Variants in ENAH observed in about 807,000 individuals in gnomAD.
ENAH encodes the protein ENAH actin regulator.
A neutral mutation model predicts 78.7 loss-of-function variants in ENAH; 23 were observed. The ratio of observed to expected loss-of-function variants is 0.29; its 90% CI spans 0.21 to 0.41. ENAH has a LOEUF of 0.41. Ranked by LOEUF, ENAH falls within the 10% of genes least tolerant of loss-of-function variation. The pLI, the probability that ENAH is intolerant of heterozygous loss-of-function variation, is 1.00. For missense variants in ENAH, 544 were observed against 691.0 expected (o/e 0.79, Z 2.39); for synonymous variants, 226 against 241.0 (o/e 0.94, Z 0.58).
chr1:225,615,233 CG>C (rs1168991389), intron 1 of ENAH, among the ~76,000 whole-genome samples: 1 of 151,720 alleles, frequency 6.6e-6, no homozygotes, highest in Non-Finnish European at 1.5e-5. Context: ...TCGGTGGAGA[CG>C]GGGTTTCGCC....
At chr1:225,607,123 A>T (rs2096960202) in intron 1 of ENAH, among the ~76,000 whole-genome samples, 1 of 152,128 alleles carries the variant, frequency 6.6e-6, no homozygotes, top group African/African-American at 2.4e-5. Context: ...ACACTACAGC[A>T]GACTCTAGAT....
chr1:225,602,426 A>G (rs971825209), intron 1 of ENAH, among the ~76,000 whole-genome samples: 8 of 152,306 alleles, frequency 5.3e-5, no homozygotes, highest in African/African-American at 1.7e-4. Context: ...ATAAAGTTAC[A>G]GCCTAAATAA....
intron 3 of ENAH, among the ~76,000 whole-genome samples, chr1:225,536,067 AAG>A (rs934899643): frequency 7.9e-5 from 12 of 152,248 alleles, no homozygotes; most frequent in African/African-American, 2.9e-4. Flanking sequence ...CACTGCAATA[AAG>A]AGTTTTATAT....
chr1:225,524,701 C>A, intron 4 of ENAH: 1 of 939,212 alleles, frequency 1.1e-6, no homozygotes, highest in Non-Finnish European at 1.3e-6. Context: ...CAGTTCTGTG[C>A]CGCAATTATT....
intron 1 of ENAH, among the ~76,000 whole-genome samples, chr1:225,580,854 T>A (rs192924676): frequency 3.8e-4 from 53 of 139,124 alleles, no homozygotes; most frequent in Admixed American, 7.2e-4. Context: ...TGAGCCGAGA[T>A]CGCATCACTG....
chr1:225,581,575 T>C (rs747884110), intron 1 of ENAH, among the ~76,000 whole-genome samples: 24 of 152,234 alleles, frequency 1.6e-4, no homozygotes, highest in Non-Finnish European at 8.8e-5. Context: ...CAGAATACTA[T>C]AGAATCTCAA....
At chr1:225,514,071 G>C (rs373226632) in intron 7 of ENAH, among the ~76,000 whole-genome samples, 2 of 152,140 alleles carry the variant, frequency 1.3e-5, no homozygotes, top group Non-Finnish European at 2.9e-5. Flanking sequence ...CTGGTAAAAT[G>C]TTAATGGGTG....
At chr1:225,639,546 C>T (rs1660645820) in intron 1 of ENAH, among the ~76,000 whole-genome samples, 2 of 152,098 alleles carry the variant, frequency 1.3e-5, no homozygotes, top group South Asian at 2.1e-4. Flanking sequence ...ATGCCTTCCA[C>T]CATGTTATGA....
intron 1 of ENAH, among the ~76,000 whole-genome samples, chr1:225,632,970 G>T (rs1659368606): frequency 6.6e-6 from 1 of 152,086 alleles, no homozygotes; most frequent in Admixed American, 6.6e-5. Context: ...GTGGCTTACG[G>T]ACTGGAAGAC....
chr1:225,497,955 C>G (rs1283333912), intron 13 of ENAH, 143 bp from the exon 14 acceptor site: 2 of 633,640 alleles, frequency 3.2e-6, no homozygotes, highest in Non-Finnish European at 5.4e-6. Context: ...TTGCACACAT[C>G]TTTAATATTA....
intron 7 of ENAH, among the ~76,000 whole-genome samples, chr1:225,513,690 C>T (rs1021511985): frequency 3.3e-5 from 5 of 152,136 alleles, no homozygotes; most frequent in Non-Finnish European, 4.4e-5. Context: ...TCAAATCATT[C>T]AAACAAAAGT....
At chr1:225,529,645 C>G (rs1433583786) in intron 4 of ENAH, among the ~76,000 whole-genome samples, 1 of 151,832 alleles carries the variant, frequency 6.6e-6, no homozygotes, top group Non-Finnish European at 1.5e-5. Flanking sequence ...GTACTTAGAA[C>G]AAAAAATGCC....
At chr1:225,625,556 CTT>C (rs926320774) in intron 1 of ENAH, among the ~76,000 whole-genome samples, 4 of 152,214 alleles carry the variant, frequency 2.6e-5, no homozygotes, top group African/African-American at 4.8e-5. Context: ...GAATTTCGCT[CTT>C]GTTGCCCAGG....
intron 1 of ENAH, among the ~76,000 whole-genome samples, chr1:225,592,139 G>A (rs1047279950): frequency 6.6e-6 from 1 of 152,240 alleles, no homozygotes; most frequent in Non-Finnish European, 1.5e-5. Context: ...AGCAGCAACA[G>A]TATTTTGGTA....
intron 1 of ENAH, among the ~76,000 whole-genome samples, chr1:225,578,875 G>C (rs1040300976): frequency 6.6e-6 from 1 of 152,164 alleles, no homozygotes; most frequent in Admixed American, 6.5e-5. Context: ...TTTATGTTAT[G>C]AAAGACCTAA....
intron 1 of ENAH, among the ~76,000 whole-genome samples, chr1:225,616,584 T>C (rs1014660157): frequency 6.6e-6 from 1 of 152,042 alleles, no homozygotes; most frequent in Non-Finnish European, 1.5e-5. Flanking sequence ...TATAATTATA[T>C]ATTGCATCTA....
intron 1 of ENAH, among the ~76,000 whole-genome samples, chr1:225,617,257 T>C (rs186247237): frequency 3.7e-4 from 57 of 152,366 alleles, no homozygotes; most frequent in African/African-American, 1.2e-3. Context: ...ACTATGACAT[T>C]ACTTCTAAAA....
At chr1:225,643,803 G>C (rs945300038) in intron 1 of ENAH, among the ~76,000 whole-genome samples, 2 of 152,182 alleles carry the variant, frequency 1.3e-5, no homozygotes, top group Non-Finnish European at 2.9e-5. Flanking sequence ...AGGGTGTGGT[G>C]GCGCACATCT....
intron 1 of ENAH, among the ~76,000 whole-genome samples, chr1:225,602,366 C>T (rs766509840): frequency 6.6e-6 from 1 of 152,016 alleles, no homozygotes; most frequent in Non-Finnish European, 1.5e-5. Flanking sequence ...ACAAAAGCTA[C>T]GGTCATTTTT....
Sources: allele counts gnomAD v4.1 joint callset (sites outside exome capture counted in the v4.1 genomes callset), GRCh38; gene constraint gnomAD v4.1.1; transcripts MANE v1.5; gene names NCBI Gene and HGNC (gene_info 2026-07-23, HGNC 2026-07-21).